CEND1: variants seen among roughly 807,000 people sequenced by gnomAD.
The protein encoded by CEND1 is cell cycle exit and neuronal differentiation protein 1.
In CEND1, 1 loss-of-function variant was observed where a neutral mutation model predicts 4.4. The ratio of observed to expected loss-of-function variants is 0.23; its 90% CI spans 0.08 to 1.09. The LOEUF is 1.09. Among genes scored for constraint, CEND1 ranks in the 50% least tolerant of loss-of-function variants. CEND1 has a pLI of 0.55. For missense variants in CEND1, 213 were observed against 201.2 expected, an observed-to-expected ratio of 1.06 and a Z score of -0.35; for synonymous variants, 109 against 93.0, an observed-to-expected ratio of 1.17 and a Z score of -0.99.
chr11:788,243 CA>C lies in CEND1; in HGVS notation c.333del (p.Gly113AlafsTer24). The C allele has an allele frequency of 6.2e-7, 1 of 1,610,934 alleles. No homozygotes were observed. The highest frequency in any genetic ancestry group is 8.5e-7 in the Non-Finnish European group (1 of 1,178,870). ...TCACAGGACCAGGGACCTCGGCCCC[CA>C]GGCCCCCCACTGGCAGCCTCATCTT... ...AEEDEAASGG[P>X]GGRGPWSCEN... On this transcript the variant is annotated frameshift_variant, in exon 2 of 2. Transcript: ENST00000330106. LOFTEE classifies it high-confidence loss of function.
rs1247252147 is a variant in CEND1 at position 790,011 on chromosome 11, C to CG, written c.-83+18dup. 6.6e-6 allele frequency: 1 copy of CG among 152,668 alleles called. No homozygotes were observed. The highest frequency in any genetic ancestry group is 1.5e-5 in the Non-Finnish European group (1 of 67,922). The allele number at this position is 152,668 out of a possible 1,614,324, so 9.5% of individuals were successfully genotyped here. A position where few individuals can be genotyped will look rare whatever the true frequency, so the allele number is the denominator to read the frequency against. On this transcript the variant is annotated intron_variant, in intron 1 of 1. Transcript: ENST00000330106. The stretch of plus-strand genomic sequence containing the variant: ...CGCCCGCCCCGCCCGCCCCGCCCGC[C>CG]GGGAGCCCCCCGCCTTACGCGTCCT...
chr11:789,566 C>T (rs1204395609), intron 1 of CEND1, among the ~76,000 whole-genome samples: 1 of 152,140 alleles, frequency 6.6e-6, no homozygotes, highest in Non-Finnish European at 1.5e-5. Flanking sequence ...TGGGTCTTGC[C>T]CCAAAGCCCC....
Position 787,926 on chromosome 11 carries a change from T to C in CEND1, c.*201A>G. The C allele has an allele frequency of 2.4e-6, 1 of 410,662 alleles. No individual in the cohort carries two copies. The highest frequency in any genetic ancestry group is 4.3e-6 in the Non-Finnish European group (1 of 234,708). 25.4% of individuals were successfully genotyped at this position (410,662 alleles called of 1,614,324 possible). A position where few individuals can be genotyped will look rare whatever the true frequency, so the allele number is the denominator to read the frequency against. On this transcript the variant is annotated 3_prime_UTR_variant, in exon 2 of 2. Coordinates refer to ENST00000330106, the MANE Select transcript of CEND1 (RefSeq NM_016564.4). ...TGTGGACCCCGGAGCCTGGGCTCTTTCTGCCCTGGAGGTTGGGGAAGTCCT... is the reference window on the plus strand; with the variant it reads ...TGTGGACCCCGGAGCCTGGGCTCTTCCTGCCCTGGAGGTTGGGGAAGTCCT...
chr11:788,053 T>G lies in CEND1; in HGVS notation c.*74A>C, dbSNP rs1015807757. 1.0e-5 allele frequency: 12 copies of G among 1,164,492 alleles called. No homozygotes were observed. The highest frequency in any genetic ancestry group is 5.3e-5 in the East Asian group (2 of 37,816). The allele number at this position is 1,164,492 out of a possible 1,614,324, so 72.1% of individuals were successfully genotyped here. ...GTGCGTGTGTACGAATAGGTAAGGG[T>G]GAACTCTGCATGCACTGGCTTCCTC... is the stretch of plus-strand genomic sequence containing the variant. On this transcript the variant is annotated 3_prime_UTR_variant, in exon 2 of 2. Coordinates refer to ENST00000330106, the MANE Select transcript of CEND1 (RefSeq NM_016564.4).
At chr11:789,317 C>T (rs1864408039) in intron 1 of CEND1, among the ~76,000 whole-genome samples, 4 of 152,184 alleles carry the variant, frequency 2.6e-5, no homozygotes, top group Admixed American at 2.0e-4. Flanking sequence ...GCCCCCTCCT[C>T]AGCATGGGCC....
Position 790,086 on chromosome 11 carries a change from A to C in CEND1, c.-139T>G, listed in dbSNP as rs1271542529. On this transcript the variant is annotated 5_prime_UTR_variant, in exon 1 of 2. Coordinates refer to ENST00000330106, the MANE Select transcript of CEND1 (RefSeq NM_016564.4). Reference sequence around the variant, plus strand: ...CCTCCGCGGGATGACGGCGGCTGCGAACGCGGAGGAGAGCTCGGGAGTTTC... The same window carrying C: ...CCTCCGCGGGATGACGGCGGCTGCGCACGCGGAGGAGAGCTCGGGAGTTTC... 1 of 152,046 alleles carries C rather than the reference A, an allele frequency of 6.6e-6. No homozygotes were observed. The highest frequency in any genetic ancestry group is 2.4e-5 in the African/African-American group (1 of 41,308). 9.4% of individuals were successfully genotyped at this position (152,046 alleles called of 1,614,324 possible).
At position 788,592 on chromosome 11, in the gene CEND1, T is replaced by C. The variant is rs767805182; in HGVS notation, c.-16A>G. ...TGGACTCCATGGTGGGCGGGGCGTA[T>C]GGGACAGGCAGGTGGCTGCACCAGA... On this transcript the variant is annotated 5_prime_UTR_variant, in exon 2 of 2. Coordinates refer to ENST00000330106, the MANE Select transcript of CEND1 (RefSeq NM_016564.4). 8.7e-6 allele frequency: 13 copies of C among 1,502,732 alleles called. No individual in the cohort carries two copies. Among genetic ancestry groups the C allele is most frequent in the Non-Finnish European group, 1.2e-5 (13 of 1,128,214 alleles). 93.1% of individuals were successfully genotyped at this position (1,502,732 alleles called of 1,614,324 possible).
intron 1 of CEND1, among the ~76,000 whole-genome samples, chr11:789,634 G>A (rs1047902253): frequency 6.6e-6 from 1 of 152,150 alleles, no homozygotes; most frequent in African/African-American, 2.4e-5. Context: ...CAGACCTGCA[G>A]AGAAAGGGAG....
In CEND1 at chr11:787,364, C is replaced by T. The variant is rs935517243; in HGVS notation, c.*763G>A. 1.3e-5 allele frequency: 2 copies of T among 152,760 alleles called. No homozygotes were observed. The highest frequency in any genetic ancestry group is 4.8e-5 in the African/African-American group (2 of 41,430). 9.5% of individuals were successfully genotyped at this position (152,760 alleles called of 1,614,324 possible). ...CGCCGCCAAAAGCAGTTCTACTCTA[C>T]CTGTTATTGCATTATACGCTGGTTA... On this transcript the variant is annotated 3_prime_UTR_variant, in exon 2 of 2. Coordinates refer to ENST00000330106, the MANE Select transcript of CEND1 (RefSeq NM_016564.4).
At chr11:789,761 C>T (rs913721219) in intron 1 of CEND1, among the ~76,000 whole-genome samples, 5 of 152,094 alleles carry the variant, frequency 3.3e-5, no homozygotes, top group African/African-American at 1.2e-4. Flanking sequence ...CAGGGAAGCC[C>T]AGCCGTCCCT....
chr11:789,907 C>G (rs1774163753), intron 1 of CEND1, 123 bp downstream of exon 1: 1 of 152,880 alleles, frequency 6.5e-6, no homozygotes, highest in Non-Finnish European at 1.5e-5. Context: ...TCAACTGAGC[C>G]CTGGAGAACT....
intron 1 of CEND1, 121 bp from the exon 2 acceptor site, chr11:788,779 G>T: frequency 2.3e-6 from 1 of 430,606 alleles, no homozygotes; most frequent in Non-Finnish European, 4.0e-6. Flanking sequence ...CAGCTCAGGG[G>T]CCTCCCGTGG....
At chr11:788,703 C>T in intron 1 of CEND1, 45 bp from the exon 2 acceptor site, 1 of 860,832 alleles carries the variant, frequency 1.2e-6, no homozygotes, top group Non-Finnish European at 1.6e-6. Flanking sequence ...CCAGTCCCCC[C>T]TGTGCTGCCC....
In CEND1 at chr11:788,583, C is replaced by T. The variant is rs377495128; in HGVS notation, c.-7G>A. ...ACTTCCCTCTGGACTCCATGGTGGG[C>T]GGGGCGTATGGGACAGGCAGGTGGC... On this transcript the variant is annotated 5_prime_UTR_variant, in exon 2 of 2. Transcript: ENST00000330106. 18 of 1,504,994 alleles carry T rather than the reference C, an allele frequency of 1.2e-5. No homozygotes were observed. The highest frequency in any genetic ancestry group is 2.7e-5 in the South Asian group (2 of 74,886). The allele number at this position is 1,504,994 out of a possible 1,614,324, so 93.2% of individuals were successfully genotyped here.
Position 787,841 on chromosome 11 carries a change from A to T in CEND1, c.*286T>A, listed in dbSNP as rs1864377758. ...AGCCGCCAGGGGTGGGGGGGGCCACACACAGGGTCCATTCCTTTCTTGCCG... is the reference window on the plus strand; with the variant it reads ...AGCCGCCAGGGGTGGGGGGGGCCACTCACAGGGTCCATTCCTTTCTTGCCG... On this transcript the variant is annotated 3_prime_UTR_variant, in exon 2 of 2. Coordinates refer to ENST00000330106, the MANE Select transcript of CEND1 (RefSeq NM_016564.4). 3.9e-6 allele frequency: 1 copy of T among 254,982 alleles called. No homozygotes were observed. The highest frequency in any genetic ancestry group is 5.5e-5 in the Admixed American group (1 of 18,162). 15.8% of individuals were successfully genotyped at this position (254,982 alleles called of 1,614,324 possible).
chr11:789,402 C>G (rs1006015821), intron 1 of CEND1, among the ~76,000 whole-genome samples: 1 of 152,224 alleles, frequency 6.6e-6, no homozygotes, highest in South Asian at 2.1e-4. Context: ...GCAGAGGGTT[C>G]CTGGCGTTAA....
chr11:789,731 G>A (rs1295146320), intron 1 of CEND1, among the ~76,000 whole-genome samples: 1 of 151,966 alleles, frequency 6.6e-6, no homozygotes, highest in African/African-American at 2.4e-5. Context: ...TCCAGAAGAG[G>A]CCCAGCTGCT....
rs540776170 is a variant in CEND1 at position 788,700 on chromosome 11, C to T, written c.-82-42G>A. 136 of 919,632 alleles carry T rather than the reference C, an allele frequency of 1.5e-4. No homozygotes were observed. In the African/African-American group the frequency reaches 2.0e-3, roughly 14 times the overall value. 57.0% of individuals were successfully genotyped at this position (919,632 alleles called of 1,614,324 possible). On this transcript the variant is annotated intron_variant, in intron 1 of 1. Transcript: ENST00000330106. ...GGGAGGCTGCGCGCGGGTCCAGTCC[C>T]CCCTGTGCTGCCCCGACCACCTGGT...
In CEND1 at chr11:787,885, G is replaced by A. The variant is rs997023095; in HGVS notation, c.*242C>T. 2.0e-5 allele frequency: 7 copies of A among 344,754 alleles called. No individual in the cohort carries two copies. Among genetic ancestry groups the A allele is most frequent in the African/African-American group, 6.3e-5 (3 of 47,378 alleles). The allele number at this position is 344,754 out of a possible 1,614,324, so 21.4% of individuals were successfully genotyped here. A position where few individuals can be genotyped will look rare whatever the true frequency, so the allele number is the denominator to read the frequency against. ...CTTGCCGTTCCCCAGCTGTGCCCTCGCCCCACATCCTGTGCTGTGGACCCC... is the reference window on the plus strand; with the variant it reads ...CTTGCCGTTCCCCAGCTGTGCCCTCACCCCACATCCTGTGCTGTGGACCCC... On this transcript the variant is annotated 3_prime_UTR_variant, in exon 2 of 2. Transcript: ENST00000330106.
Sources: allele counts gnomAD v4.1 joint callset (sites outside exome capture counted in the v4.1 genomes callset), GRCh38; gene constraint gnomAD v4.1.1; transcripts MANE v1.5; gene names NCBI Gene and HGNC (gene_info 2026-07-23, HGNC 2026-07-21).